The following LRRC4C variants were observed in gnomAD, a reference collection of about 807,000 sequenced individuals.
The protein encoded by LRRC4C is leucine-rich repeat-containing protein 4C.
A neutral mutation model predicts 33.6 loss-of-function variants in LRRC4C; 5 were observed. The ratio of observed to expected loss-of-function variants is 0.15; its 90% CI spans 0.08 to 0.31. The LOEUF (loss-of-function observed/expected upper bound fraction) is 0.31, where lower values mean the gene tolerates loss of function less well. Ranked by LOEUF, LRRC4C falls within the 10% of genes least tolerant of loss-of-function variation. The pLI, the probability that LRRC4C is intolerant of heterozygous loss-of-function variation, is 1.00. For synonymous variants in LRRC4C, 329 were observed against 302.0 expected (o/e 1.09, Z -0.93); for missense variants, 560 against 796.7 (o/e 0.70, Z 3.58).
At chr11:40,974,646 G>A (rs1207267955) in intron 1 of LRRC4C, among the ~76,000 whole-genome samples, 1 of 152,172 alleles carries the variant, frequency 6.6e-6, no homozygotes, top group African/African-American at 2.4e-5. Flanking sequence ...GTAGGGAATT[G>A]GTAAAGCATT....
intron 2 of LRRC4C, among the ~76,000 whole-genome samples, chr11:40,748,263 C>A (rs559959543): frequency 1.3e-5 from 2 of 151,836 alleles, no homozygotes; most frequent in Non-Finnish European, 2.9e-5. Context: ...ATTTAAAGTG[C>A]TAGAAGAAAA....
chr11:40,187,794 C>A (rs1861524996), intron 5 of LRRC4C, among the ~76,000 whole-genome samples: 1 of 152,098 alleles, frequency 6.6e-6, no homozygotes, highest in Non-Finnish European at 1.5e-5. Context: ...GGAGCTTTTA[C>A]AATCAATACC....
At chr11:40,380,800 A>G (rs1477320685) in intron 3 of LRRC4C, among the ~76,000 whole-genome samples, 1 of 152,236 alleles carries the variant, frequency 6.6e-6, no homozygotes, top group Non-Finnish European at 1.5e-5. Flanking sequence ...ATTAAAGCAT[A>G]AAATATTATT....
chr11:40,749,978 T>C (rs1286409475), intron 2 of LRRC4C, among the ~76,000 whole-genome samples: 2 of 152,086 alleles, frequency 1.3e-5, no homozygotes, highest in African/African-American at 2.4e-5. Context: ...AGTAACGACA[T>C]TGAATCAGTG....
chr11:40,410,955 A>C (rs1223300271), intron 3 of LRRC4C, among the ~76,000 whole-genome samples: 2 of 152,054 alleles, frequency 1.3e-5, no homozygotes, highest in African/African-American at 4.8e-5. Flanking sequence ...CTGCAGTTAA[A>C]GCCATATCAC....
intron 3 of LRRC4C, among the ~76,000 whole-genome samples, chr11:40,370,199 G>A (rs995634881): frequency 6.6e-6 from 1 of 152,100 alleles, no homozygotes; most frequent in Non-Finnish European, 1.5e-5. Flanking sequence ...ATGGAGCTGA[G>A]AGCCAGCCAG....
At chr11:40,707,779 G>A (rs1417189476) in intron 2 of LRRC4C, among the ~76,000 whole-genome samples, 1 of 152,212 alleles carries the variant, frequency 6.6e-6, no homozygotes, top group East Asian at 1.9e-4. Flanking sequence ...AGTTTCAGAA[G>A]GAATGGCACA....
intron 1 of LRRC4C, among the ~76,000 whole-genome samples, chr11:41,257,927 T>C (rs1948854431): frequency 6.6e-6 from 1 of 152,010 alleles, no homozygotes; most frequent in South Asian, 2.1e-4. Context: ...CTTTTTCTTT[T>C]CCTGTATCTA....
At chr11:40,471,924 T>G (rs1468542030) in intron 3 of LRRC4C, among the ~76,000 whole-genome samples, 1 of 152,032 alleles carries the variant, frequency 6.6e-6, no homozygotes, top group East Asian at 1.9e-4. Context: ...GTAAAACACT[T>G]CTCAGCAAAT....
intron 1 of LRRC4C, among the ~76,000 whole-genome samples, chr11:41,012,778 T>C (rs556285386): frequency 6.6e-6 from 1 of 152,306 alleles, no homozygotes; most frequent in South Asian, 2.1e-4. Context: ...ATAGAAGACA[T>C]TTTAACTGGG....
At position 40,557,684 on chromosome 11, in the gene LRRC4C, G is replaced by A. The variant is rs1250528652; in HGVS notation, c.-270+90458C>T. ...TTTTACACTGTCTATAGAGGCGTGTGTGTGTGTGTGTGTGTGTAAAATATA... is the reference window on the plus strand; with the variant it reads ...TTTTACACTGTCTATAGAGGCGTGTATGTGTGTGTGTGTGTGTAAAATATA... On this transcript the variant is annotated intron_variant, in intron 3 of 6. Transcript: ENST00000528697. Among the ~76,000 whole-genome samples, 5 of 147,588 alleles carry A rather than the reference G, an allele frequency of 3.4e-5. No homozygotes were observed. In the East Asian group the frequency reaches 9.7e-4, roughly 29 times the overall value.
At chr11:41,021,149 G>C (rs533489303) in intron 1 of LRRC4C, among the ~76,000 whole-genome samples, 1 of 141,880 alleles carries the variant, frequency 7.0e-6, no homozygotes, top group South Asian at 2.3e-4. Flanking sequence ...GTTCCCAATC[G>C]TGCATCTGAG....
At chr11:40,243,589 C>T (rs949571925) in intron 4 of LRRC4C, among the ~76,000 whole-genome samples, 21 of 151,574 alleles carry the variant, frequency 1.4e-4, no homozygotes, top group African/African-American at 5.1e-4. Flanking sequence ...TGCTAGGTTT[C>T]CTATGTATAT....
At chr11:40,402,151 G>T (rs927554937) in intron 3 of LRRC4C, among the ~76,000 whole-genome samples, 26 of 152,170 alleles carry the variant, frequency 1.7e-4, no homozygotes, top group South Asian at 6.2e-4. Flanking sequence ...ATGTCTAAAA[G>T]AAAGCAGTCT....
intron 5 of LRRC4C, among the ~76,000 whole-genome samples, chr11:40,144,383 G>A (rs990714560): frequency 5.3e-5 from 8 of 152,148 alleles, no homozygotes; most frequent in South Asian, 4.2e-4. Flanking sequence ...ACTTACAAAT[G>A]GCTAAACAAC....
chr11:41,137,040 G>T (rs565264867), intron 1 of LRRC4C, among the ~76,000 whole-genome samples: 2 of 152,166 alleles, frequency 1.3e-5, no homozygotes, highest in East Asian at 3.9e-4. Flanking sequence ...TTGAAGCCAG[G>T]AGTTACAGAC....
chr11:40,276,782 G>A (rs988261701), intron 4 of LRRC4C, among the ~76,000 whole-genome samples: 3 of 151,498 alleles, frequency 2.0e-5, no homozygotes, highest in African/African-American at 4.9e-5. Flanking sequence ...GCTGTTTTGT[G>A]CCTGTCTTCC....
chr11:41,228,103 A>G (rs1303733660), intron 1 of LRRC4C, among the ~76,000 whole-genome samples: 1 of 145,104 alleles, frequency 6.9e-6, no homozygotes, highest in East Asian at 2.4e-4. Context: ...CATATATTAT[A>G]TCAGTCTGTC....
At chr11:40,241,179 C>A (rs1865901578) in intron 5 of LRRC4C, among the ~76,000 whole-genome samples, 2 of 151,946 alleles carry the variant, frequency 1.3e-5, no homozygotes, top group African/African-American at 2.4e-5. Flanking sequence ...TTGCTTGAGG[C>A]AGGAGTGCCT....
Sources: allele counts gnomAD v4.1 joint callset (sites outside exome capture counted in the v4.1 genomes callset), GRCh38; gene constraint gnomAD v4.1.1; transcripts MANE v1.5; gene names NCBI Gene and HGNC (gene_info 2026-07-23, HGNC 2026-07-21).